Variants in SPAG16 observed in about 807,000 individuals in gnomAD.
SPAG16 encodes the protein sperm-associated antigen 16 protein.
A neutral mutation model predicts 80.4 loss-of-function variants in SPAG16; 86 were observed. The ratio of observed to expected loss-of-function variants is 1.07; its 90% CI spans 0.90 to 1.28. The LOEUF is 1.28. Among genes scored for constraint, SPAG16 ranks in the 50% most tolerant of loss-of-function variants. SPAG16 has a pLI of 0.00. For missense variants in SPAG16, 870 were observed against 765.3 expected, an observed-to-expected ratio of 1.14 and a Z score of -1.61; for synonymous variants, 294 against 265.9, an observed-to-expected ratio of 1.11 and a Z score of -1.03.
intron 14 of SPAG16, among the ~76,000 whole-genome samples, chr2:214,115,645 G>C (rs1443808942): frequency 6.6e-6 from 1 of 152,118 alleles, no homozygotes; most frequent in Non-Finnish European, 1.5e-5. Context: ...TTGGGAGACT[G>C]AGGCAGGCAG....
chr2:213,984,206 G>C (rs2106427990), intron 12 of SPAG16, among the ~76,000 whole-genome samples: 1 of 152,162 alleles, frequency 6.6e-6, no homozygotes, highest in African/African-American at 2.4e-5. Flanking sequence ...TTGCTGATTA[G>C]AGAACTTATT....
intron 14 of SPAG16, among the ~76,000 whole-genome samples, chr2:214,148,760 C>T (rs754561790): frequency 6.6e-6 from 1 of 151,840 alleles, no homozygotes; most frequent in Non-Finnish European, 1.5e-5. Context: ...ATATCATATG[C>T]ATTATATGAT....
intron 15 of SPAG16, among the ~76,000 whole-genome samples, chr2:214,339,006 CAG>C (rs1697486984): frequency 6.6e-6 from 1 of 152,272 alleles, no homozygotes; most frequent in South Asian, 2.1e-4. Flanking sequence ...TTTCTGCCAA[CAG>C]AAAGCATTTT....
At chr2:214,084,177 A>G (rs1361053694) in intron 13 of SPAG16, among the ~76,000 whole-genome samples, 2 of 152,182 alleles carry the variant, frequency 1.3e-5, no homozygotes, top group Non-Finnish European at 2.9e-5. Context: ...TCACAAGGGA[A>G]AGATTGAGAT....
chr2:213,546,372 T>C (rs2076612183), intron 10 of SPAG16, among the ~76,000 whole-genome samples: 1 of 152,168 alleles, frequency 6.6e-6, no homozygotes, highest in Non-Finnish European at 1.5e-5. Context: ...GTTATATCTT[T>C]ACCTTGTTGT....
chr2:213,625,485 CATCTGTAGATT>C (rs1164133024), intron 10 of SPAG16, among the ~76,000 whole-genome samples: 1 of 152,128 alleles, frequency 6.6e-6, no homozygotes, highest in Non-Finnish European at 1.5e-5. Flanking sequence ...GACTTCTCCC[CATCTGTAGATT>C]ATCTTTAATT....
intron 15 of SPAG16, among the ~76,000 whole-genome samples, chr2:214,397,383 C>T (rs901290931): frequency 6.6e-6 from 1 of 152,092 alleles, no homozygotes; most frequent in Admixed American, 6.5e-5. Context: ...TGGTCTCAAT[C>T]TCCGGACCTC....
At position 214,361,322 on chromosome 2, in the gene SPAG16, G is replaced by T. The variant is rs189201821; in HGVS notation, c.1721-48818G>T. Among the ~76,000 whole-genome samples, 8 of 151,864 alleles carry T rather than the reference G, an allele frequency of 5.3e-5. No individual in the cohort carries two copies. In the East Asian group the frequency reaches 9.7e-4, roughly 18 times the overall value. ...TGATTTGCTTCAATCTTCTTATTGCGCAAGTGGTTGGGACACTAACCATTA... is the reference window on the plus strand; with the variant it reads ...TGATTTGCTTCAATCTTCTTATTGCTCAAGTGGTTGGGACACTAACCATTA... On this transcript the variant is annotated intron_variant, in intron 15 of 15. Transcript: ENST00000331683.
At chr2:214,106,758 G>C (rs541935952) in intron 13 of SPAG16, among the ~76,000 whole-genome samples, 7 of 152,134 alleles carry the variant, frequency 4.6e-5, no homozygotes, top group Non-Finnish European at 8.8e-5. Context: ...GGTAGTGAAT[G>C]AGAGTAGATG....
At chr2:214,089,300 T>G (rs561711715) in intron 13 of SPAG16, among the ~76,000 whole-genome samples, 2 of 152,226 alleles carry the variant, frequency 1.3e-5, no homozygotes, top group African/African-American at 4.8e-5. Flanking sequence ...AATTAAAAAT[T>G]GATAAATTTC....
At chr2:213,288,305 T>C (rs948622483) in intron 1 of SPAG16, among the ~76,000 whole-genome samples, 1 of 152,138 alleles carries the variant, frequency 6.6e-6, no homozygotes, top group African/African-American at 2.4e-5. Context: ...AAGTTTTCCT[T>C]ATTTTATTTT....
In SPAG16 at chr2:213,317,218, G is replaced by C. The variant is rs1268710146; in HGVS notation, c.399-1G>C. 6.4e-7 allele frequency: 1 copy of C among 1,563,864 alleles called. No homozygotes were observed. The highest frequency in any genetic ancestry group is 1.9e-5 in the Admixed American group (1 of 52,612). On this transcript the variant is annotated splice_acceptor_variant, in intron 4 of 15. Transcript: ENST00000331683. LOFTEE classifies it high-confidence loss of function. ...AACCCTTTTGTTTGATTTTATCCTA[G>C]GTATGAGTTAATACAGAAAGGAGTG...
intron 10 of SPAG16, among the ~76,000 whole-genome samples, chr2:213,779,263 T>C (rs1282164205): frequency 6.6e-6 from 1 of 152,238 alleles, no homozygotes; most frequent in Non-Finnish European, 1.5e-5. Flanking sequence ...TACATTAGAA[T>C]TGATAACAGT....
intron 9 of SPAG16, among the ~76,000 whole-genome samples, chr2:213,450,581 A>C (rs2071624157): frequency 6.6e-6 from 1 of 152,128 alleles, no homozygotes; most frequent in African/African-American, 2.4e-5. Context: ...TTTACTTTAC[A>C]CTAATTGAAT....
chr2:213,591,554 A>G (rs1206291554), intron 10 of SPAG16, among the ~76,000 whole-genome samples: 3 of 152,210 alleles, frequency 2.0e-5, no homozygotes, highest in African/African-American at 7.2e-5. Flanking sequence ...TGTTTATAAA[A>G]TTATTCAGTG....
intron 13 of SPAG16, among the ~76,000 whole-genome samples, chr2:214,081,749 C>T (rs1428227876): frequency 6.6e-6 from 1 of 152,090 alleles, no homozygotes; most frequent in Non-Finnish European, 1.5e-5. Context: ...TAATAATGCC[C>T]TTCTTCCCCC....
intron 10 of SPAG16, among the ~76,000 whole-genome samples, chr2:213,764,346 G>T (rs1395616118): frequency 1.3e-5 from 2 of 150,942 alleles, no homozygotes. Context: ...TGCTTTATCA[G>T]CATGGGTGAC....
chr2:214,012,284 A>ATTTTTTTTTTTTTTTTTT (rs1483720818), intron 12 of SPAG16, among the ~76,000 whole-genome samples: 1 of 54,614 alleles, frequency 1.8e-5, no homozygotes, highest in Non-Finnish European at 2.9e-5. Flanking sequence ...ATATATATAT[A>ATTTTTTTTTTTTTTTTTT]TATATTTTTT....
rs768801422 is a variant in SPAG16, at chr2:213,973,637, T to C, written c.1401-40314T>C. ...TGGCTACCATTTTTAAATTGCCCCCTTTTTTTTTTTTTTGATTCGGCATTC... is the reference window on the plus strand; with the variant it reads ...TGGCTACCATTTTTAAATTGCCCCCCTTTTTTTTTTTTTGATTCGGCATTC... On this transcript the variant is annotated intron_variant, in intron 12 of 15. Transcript: ENST00000331683. 9.2e-3 allele frequency among the ~76,000 whole-genome samples: 1,088 copies of C among 118,410 alleles called. 22 individuals are homozygous for C. The highest frequency in any genetic ancestry group is 0.053 in the East Asian group (237 of 4,510). The allele number at this position is 118,410 out of a possible 152,430, so 77.7% of individuals were successfully genotyped here. A position where few individuals can be genotyped will look rare whatever the true frequency, so the allele number is the denominator to read the frequency against.
Sources: gnomAD v4.1 joint callset for allele counts (sites outside exome capture counted in the v4.1 genomes callset) on GRCh38, gnomAD v4.1.1 for gene constraint, MANE v1.5 for transcripts, NCBI Gene and HGNC (gene_info 2026-07-23, HGNC 2026-07-21) for gene names.